The following TLE4 variants were observed in gnomAD, a reference collection of about 807,000 sequenced individuals.
TLE4 encodes the protein transducin-like enhancer protein 4.
Under a neutral mutation model 92.8 loss-of-function variants are expected in TLE4, and 8 were observed. The ratio of observed to expected loss-of-function variants is 0.09; its 90% CI spans 0.05 to 0.16. The LOEUF is 0.16. Among genes scored for constraint, TLE4 ranks in the 10% least tolerant of loss-of-function variants. TLE4 has a pLI of 1.00. For synonymous variants in TLE4, 371 were observed against 374.1 expected (o/e 0.99, Z 0.10); for missense variants, 675 against 997.6 (o/e 0.68, Z 4.36).
intron 6 of TLE4, among the ~76,000 whole-genome samples, chr9:79,647,042 A>G (rs2058211883): frequency 6.6e-6 from 1 of 152,194 alleles, no homozygotes; most frequent in African/African-American, 2.4e-5. Context: ...TGGTATAATA[A>G]CAAATGAAAA....
chr9:79,710,039 G>A (rs990088820), intron 14 of TLE4, among the ~76,000 whole-genome samples: 5 of 152,166 alleles, frequency 3.3e-5, no homozygotes, highest in African/African-American at 4.8e-5. Context: ...TGAATATGTT[G>A]GGAAAAGACA....
At position 79,572,246 on chromosome 9, in the gene TLE4, G is replaced by A. The variant is rs1308175366; in HGVS notation, c.-545G>A. The A allele has an allele frequency of 2.0e-5, 3 of 152,152 alleles. No homozygotes were observed. The highest frequency in any genetic ancestry group is 7.2e-5 in the African/African-American group (3 of 41,432). 9.4% of individuals were successfully genotyped at this position (152,152 alleles called of 1,614,324 possible). On this transcript the variant is annotated 5_prime_UTR_variant, in exon 1 of 20. It adds an upstream start codon to the 5' untranslated region. Coordinates refer to ENST00000376552, the MANE Select transcript of TLE4 (RefSeq NM_007005.6). ...CCTTTTAAAAGATCGTTGCTGTGAAGTGAAAAAAATCTCCAGAGAAACCAA... is the reference window on the plus strand; with the variant it reads ...CCTTTTAAAAGATCGTTGCTGTGAAATGAAAAAAATCTCCAGAGAAACCAA...
At chr9:79,623,380 T>C (rs2051562974) in intron 5 of TLE4, among the ~76,000 whole-genome samples, 1 of 152,178 alleles carries the variant, frequency 6.6e-6, no homozygotes, top group African/African-American at 2.4e-5. Flanking sequence ...TAAGGTCTGC[T>C]TTTTAGCAGG....
chr9:79,639,971 A>T (rs186760342), intron 6 of TLE4, among the ~76,000 whole-genome samples: 3 of 152,328 alleles, frequency 2.0e-5, no homozygotes, highest in African/African-American at 7.2e-5. Context: ...ACACTGGGGA[A>T]CTACTTAAGT....
intron 6 of TLE4, among the ~76,000 whole-genome samples, chr9:79,644,035 T>G (rs2057662306): frequency 6.6e-6 from 1 of 152,122 alleles, no homozygotes; most frequent in African/African-American, 2.4e-5. Context: ...TGTGATATGG[T>G]TTGGCTGTGT....
At chr9:79,578,871 G>A (rs1201448303) in intron 4 of TLE4, among the ~76,000 whole-genome samples, 1 of 148,682 alleles carries the variant, frequency 6.7e-6, no homozygotes, top group Non-Finnish European at 1.5e-5. Flanking sequence ...GATATGACGT[G>A]GAATTGGAAC....
rs1564635667 is a variant in TLE4 at position 79,649,492 on chromosome 9, A to G, written c.391-3101A>G. ...TCTTTTGACTTTAGATGGGCAGTTC[A>G]TCTTAAACAAAATGTTGGACAAAAT... On this transcript the variant is annotated intron_variant, in intron 6 of 19. Transcript: ENST00000376552. 7 of 179,500 alleles carry G rather than the reference A, an allele frequency of 3.9e-5. No individual in the cohort carries two copies. The South Asian group carries it at 7.8e-4, about 20-fold the overall frequency. The allele number at this position is 179,500 out of a possible 1,614,324, so 11.1% of individuals were successfully genotyped here. A position where few individuals can be genotyped will look rare whatever the true frequency, so the allele number is the denominator to read the frequency against.
At chr9:79,655,402 A>G (rs1587880736) in intron 8 of TLE4, among the ~76,000 whole-genome samples, 2 of 152,280 alleles carry the variant, frequency 1.3e-5, no homozygotes. Flanking sequence ...CTGTGCTAGC[A>G]CTTTGAATGC....
chr9:79,623,702 T>TG (rs1012717102), intron 5 of TLE4, among the ~76,000 whole-genome samples: 1 of 151,418 alleles, frequency 6.6e-6, no homozygotes, highest in Non-Finnish European at 1.5e-5. Context: ...TCTAAGGGTT[T>TG]TTTTTTTTTT....
At chr9:79,628,224 GTTA>G (rs1371465360) in intron 6 of TLE4, among the ~76,000 whole-genome samples, 1 of 151,948 alleles carries the variant, frequency 6.6e-6, no homozygotes, top group Non-Finnish European at 1.5e-5. Context: ...AGTTCCTTGG[GTTA>G]TTCTAATGAA....
rs574215636 is a variant in TLE4, at chr9:79,707,001, T to G, written c.936+102T>G. 2.0e-5 allele frequency: 32 copies of G among 1,562,008 alleles called. No homozygotes were observed. In the African/African-American group the frequency reaches 4.4e-4, roughly 21 times the overall value. ...ATTTCTCACATTTTTAACAGGACTT[T>G]TATTTCCAAATGTATATATGTTCGG... On this transcript the variant is annotated intron_variant, in intron 11 of 19. Coordinates refer to ENST00000376552, the MANE Select transcript of TLE4 (RefSeq NM_007005.6).
intron 4 of TLE4, among the ~76,000 whole-genome samples, chr9:79,595,525 C>A (rs1443034781): frequency 6.6e-6 from 1 of 152,144 alleles, no homozygotes; most frequent in East Asian, 1.9e-4. Context: ...CTTTAGAATA[C>A]TTAATCGGTC....
chr9:79,587,301 C>A (rs62566848), intron 4 of TLE4, among the ~76,000 whole-genome samples: 5,586 of 152,204 alleles, frequency 0.037, 198 homozygotes, highest in African/African-American at 0.089. Flanking sequence ...TGGCTTTATG[C>A]TGAGCAAAAA....
chr9:79,647,388 T>C (rs2058260824), intron 6 of TLE4, among the ~76,000 whole-genome samples: 1 of 152,132 alleles, frequency 6.6e-6, no homozygotes, highest in South Asian at 2.1e-4. Flanking sequence ...AATTCATAAT[T>C]AGGAATTTAA....
In TLE4 at chr9:79,654,222, T is replaced by TTTTTTTTTTTTTCAG. The variant is rs2059431376; in HGVS notation, c.609+147_609+148insTTTTTTTTTTTTCAG. 4 of 758,374 alleles carry TTTTTTTTTTTTTCAG rather than the reference T, an allele frequency of 5.3e-6. No homozygotes were observed. The Admixed American group carries it at 1.4e-4, about 26-fold the overall frequency. 47.0% of individuals were successfully genotyped at this position (758,374 alleles called of 1,614,324 possible). A position where few individuals can be genotyped will look rare whatever the true frequency, so the allele number is the denominator to read the frequency against. ...GCATTTTTAAAATTACTTTCAGGTGTGTGGTTGATTTTTTTTTTTTTTTTT... is the reference window on the plus strand; with the variant it reads ...GCATTTTTAAAATTACTTTCAGGTGTTTTTTTTTTTTTCAGGTGGTTGATTTTTTTTTTTTTTTTT... On this transcript the variant is annotated intron_variant, in intron 8 of 19. Coordinates refer to ENST00000376552, the MANE Select transcript of TLE4 (RefSeq NM_007005.6).
chr9:79,639,338 A>G (rs963211396), intron 6 of TLE4, among the ~76,000 whole-genome samples: 6 of 152,208 alleles, frequency 3.9e-5, no homozygotes, highest in Non-Finnish European at 7.3e-5. Context: ...CATGCCATAT[A>G]ATAATGTTTC....
chr9:79,627,327 G>C, intron 5 of TLE4, 47 bp from the exon 6 acceptor site: 1 of 1,588,452 alleles, frequency 6.3e-7, no homozygotes, highest in Non-Finnish European at 8.6e-7. Flanking sequence ...GTTCTTGACT[G>C]AGTAGAAAAC....
In TLE4 at chr9:79,708,735, C is replaced by T. The variant is rs200253291; in HGVS notation, c.1212C>T (p.Ser404=). 1,465 of 1,611,466 alleles carry T rather than the reference C, an allele frequency of 9.1e-4. 1 individual carries two copies. The highest frequency in any genetic ancestry group is 2.4e-3 in the South Asian group (217 of 91,078). Residue 404 remains serine, a synonymous_variant, in exon 13 of 20, where the codon AGC becomes AGT. Coordinates refer to ENST00000376552, the MANE Select transcript of TLE4 (RefSeq NM_007005.6). ...TCCACAACATCTCCCCTCAGATGAG[C>T]GCAGCTGCTGCCGCCGCCGCTGCTG... ...AGLHNISPQM[S]AAAAAAAAAA...
At chr9:79,628,870 TTAAG>T (rs1391994820) in intron 6 of TLE4, among the ~76,000 whole-genome samples, 2 of 119,304 alleles carry the variant, frequency 1.7e-5, no homozygotes, top group Non-Finnish European at 3.6e-5. Flanking sequence ...AATTTTAAAG[TTAAG>T]TGTGTGTGTG....
Sources: gnomAD v4.1 joint callset for allele counts (sites outside exome capture counted in the v4.1 genomes callset) on GRCh38, gnomAD v4.1.1 for gene constraint, MANE v1.5 for transcripts, NCBI Gene and HGNC (gene_info 2026-07-23, HGNC 2026-07-21) for gene names.